Variants in ZDHHC9 observed in about 807,000 individuals in gnomAD.
The protein encoded by ZDHHC9 is palmitoyltransferase ZDHHC9.
Under a neutral mutation model 26.6 loss-of-function variants are expected in ZDHHC9, and 3 were observed. The observed-to-expected ratio is 0.11, with a 90% confidence interval of 0.05 to 0.29. The LOEUF (loss-of-function observed/expected upper bound fraction) is 0.29, where lower values mean the gene tolerates loss of function less well. ZDHHC9 is among the 10% of genes least tolerant of loss of function. The pLI is 1.00. For synonymous variants in ZDHHC9, 111 were observed against 109.4 expected (o/e 1.01, Z -0.09); for missense variants, 146 against 296.4 (o/e 0.49, Z 3.73).
intron 3 of ZDHHC9, among the ~76,000 whole-genome samples, chrX:129,841,487 G>A (rs1206339085): frequency 8.9e-6 from 1 of 112,107 alleles, no homozygotes; most frequent in African/African-American, 3.2e-5. Flanking sequence ...CTTCTAAGGA[G>A]ACCACTAAAA....
intron 10 of ZDHHC9, among the ~76,000 whole-genome samples, chrX:129,810,009 T>A (rs56710649): frequency 1.2e-3 from 66 of 56,379 alleles, no homozygotes; most frequent in African/African-American, 4.1e-3. Flanking sequence ...AAAAAAAAAA[T>A]TGGGACCTAT....
intron 4 of ZDHHC9, among the ~76,000 whole-genome samples, chrX:129,828,361 G>A (rs984940659): frequency 3.6e-5 from 4 of 110,381 alleles, no homozygotes; most frequent in Non-Finnish European, 7.6e-5. Flanking sequence ...GGTGGCTCAC[G>A]CCTGTAATCC....
In ZDHHC9 at chrX:129,841,962, C is replaced by A; in HGVS notation, c.-17G>T. The A allele has an allele frequency of 8.3e-7, 1 of 1,211,475 alleles. No individual in the cohort carries two copies. The highest frequency in any genetic ancestry group is 1.1e-6 in the Non-Finnish European group (1 of 895,376). On this transcript the variant is annotated 5_prime_UTR_variant, in exon 3 of 11. Coordinates refer to ENST00000357166, the MANE Select transcript of ZDHHC9 (RefSeq NM_016032.4). ...CACAGACATGATTGGAATTCCTGCT[C>A]CAAAATGGGTTTTGCGATTACACGA... is the stretch of plus-strand genomic sequence containing the variant.
chrX:129,820,105 A>G (rs1028786959), intron 5 of ZDHHC9, among the ~76,000 whole-genome samples: 2 of 111,634 alleles, frequency 1.8e-5, no homozygotes, highest in African/African-American at 6.5e-5. Flanking sequence ...ATATTTTCCC[A>G]CATCTCTGAT....
At chrX:129,819,950 G>A (rs754055272) in intron 5 of ZDHHC9, among the ~76,000 whole-genome samples, 3 of 110,953 alleles carry the variant, frequency 2.7e-5, no homozygotes, top group Non-Finnish European at 5.7e-5. Context: ...GCCCACCTCG[G>A]CCTCCCAAAG....
chrX:129,812,455 C>T (rs1348126089), intron 8 of ZDHHC9, among the ~76,000 whole-genome samples: 1 of 112,359 alleles, frequency 8.9e-6, no homozygotes. Flanking sequence ...AACAGAGGCA[C>T]CAGCTAGCCT....
At chrX:129,816,571 T>C (rs754217328) in intron 5 of ZDHHC9, among the ~76,000 whole-genome samples, 3 of 112,038 alleles carry the variant, frequency 2.7e-5, no homozygotes, top group East Asian at 2.8e-4. Context: ...ATAAAACCTA[T>C]ATTTAATATT....
At chrX:129,813,472 A>G (rs941870723) in intron 7 of ZDHHC9, among the ~76,000 whole-genome samples, 1 of 112,558 alleles carries the variant, frequency 8.9e-6, no homozygotes, top group Non-Finnish European at 1.9e-5. Flanking sequence ...TGTCCTGAGC[A>G]GGGGGTGAAG....
chrX:129,807,217 C>T (rs369177844), intron 10 of ZDHHC9, among the ~76,000 whole-genome samples: 1 of 107,164 alleles, frequency 9.3e-6, no homozygotes, highest in African/African-American at 3.4e-5. Context: ...GAGGCCGAGG[C>T]GGGTGGATCA....
In ZDHHC9 at chrX:129,804,435, T is replaced by A. The variant is rs1049538904; in HGVS notation, c.*1935A>T. On this transcript the variant is annotated 3_prime_UTR_variant, in exon 11 of 11. Coordinates refer to ENST00000357166, the MANE Select transcript of ZDHHC9 (RefSeq NM_016032.4). ...GGAAAAAGGAAGACATGGAAAAAGG[T>A]CTGGGAGCAGCCAAATTTCATTAAT... The A allele has an allele frequency of 9.0e-6, 1 of 111,136 alleles. No homozygotes were observed. Among genetic ancestry groups the A allele is most frequent in the African/African-American group, 3.3e-5 (1 of 30,541 alleles). The allele number at this position is 111,136 out of a possible 1,213,427, so 9.2% of individuals were successfully genotyped here. A position where few individuals can be genotyped will look rare whatever the true frequency, so the allele number is the denominator to read the frequency against.
intron 10 of ZDHHC9, among the ~76,000 whole-genome samples, chrX:129,808,898 T>C (rs189726230): frequency 1.8e-5 from 2 of 111,953 alleles, no homozygotes; most frequent in African/African-American, 3.2e-5. Flanking sequence ...AATTAAAAAA[T>C]AGACAAAAGC....
chrX:129,820,252 C>T (rs1336339279), intron 5 of ZDHHC9, among the ~76,000 whole-genome samples: 2 of 110,838 alleles, frequency 1.8e-5, no homozygotes, highest in African/African-American at 6.5e-5. Context: ...GAAGAATAAA[C>T]ATCAGGTTTT....
rs1050118453 is a variant in ZDHHC9, at chrX:129,811,119, G to C, written c.882-118C>G. On this transcript the variant is annotated intron_variant, in intron 9 of 10. Transcript: ENST00000357166. ...AACCTGTCCTTTGGCAATCTAGCCT[G>C]AACACAGCACATGCCTCTTATCTCC... 8.2e-6 allele frequency: 5 copies of C among 606,604 alleles called. No individual in the cohort carries two copies. In the East Asian group the frequency reaches 1.7e-4, roughly 21 times the overall value. 50.0% of individuals were successfully genotyped at this position (606,604 alleles called of 1,213,427 possible).
intron 3 of ZDHHC9, among the ~76,000 whole-genome samples, chrX:129,833,157 A>C (rs1029704902): frequency 9.0e-6 from 1 of 111,198 alleles, no homozygotes; most frequent in African/African-American, 3.3e-5. Context: ...CTCCCTTGTG[A>C]ATTTTATAAA....
At position 129,829,101 on chromosome X, in the gene ZDHHC9, C is replaced by T; in HGVS notation, c.208G>A (p.Val70Ile). 8.3e-7 allele frequency: 1 copy of T among 1,211,492 alleles called. No homozygotes were observed. The highest frequency in any genetic ancestry group is 1.1e-6 in the Non-Finnish European group (1 of 895,467). The part of the protein sequence containing the change: ...LAVQLSPAIP[V>I]FAAMLFLFSM... ...AAAAGGAAGAGCATGGCAGCAAATA[C>T]AGGGATGGCAGGAGACAGCTGAACA... Residue 70 changes from valine to isoleucine, a missense_variant, in exon 4 of 11, where the codon GTA becomes ATA. This residue lies in a region of ZDHHC9 where 100 missense variants were observed against 250.0 expected (regional missense o/e 0.40). Transcript: ENST00000357166.
rs1569316082 is a variant in ZDHHC9, at chrX:129,804,949, C to T, written c.*1421G>A. 1 of 104,784 alleles carries T rather than the reference C, an allele frequency of 9.5e-6. No homozygotes were observed. Among genetic ancestry groups the T allele is most frequent in the Non-Finnish European group, 2.0e-5 (1 of 51,247 alleles). The allele number at this position is 104,784 out of a possible 1,213,427, so 8.6% of individuals were successfully genotyped here. A position where few individuals can be genotyped will look rare whatever the true frequency, so the allele number is the denominator to read the frequency against. On this transcript the variant is annotated 3_prime_UTR_variant, in exon 11 of 11. Coordinates refer to ENST00000357166, the MANE Select transcript of ZDHHC9 (RefSeq NM_016032.4). The stretch of plus-strand genomic sequence containing the variant: ...GGAGGCAGGAAGTTTGCATTAGACA[C>T]AGTTTAATCGCCTTCAAATAGATGA...
At chrX:129,806,595 G>T in intron 10 of ZDHHC9, 109 bp from the exon 11 acceptor site, 1 of 655,511 alleles carries the variant, frequency 1.5e-6, no homozygotes, top group Non-Finnish European at 2.4e-6. Flanking sequence ...TCACACTGAT[G>T]CTACAGATAT....
Position 129,824,608 on chromosome X carries a change from C to T in ZDHHC9, c.329-771G>A, listed in dbSNP as rs773287851. On this transcript the variant is annotated intron_variant, in intron 4 of 10. Transcript: ENST00000357166. ...CCCAGCCAGCTACCAAAGTTTTAAACGTGTATATTCATTTACTGATCAAGT... is the reference window on the plus strand; with the variant it reads ...CCCAGCCAGCTACCAAAGTTTTAAATGTGTATATTCATTTACTGATCAAGT... Among the ~76,000 whole-genome samples the T allele has an allele frequency of 5.4e-5, 6 of 111,727 alleles. No homozygotes were observed. The South Asian group carries it at 1.5e-3, about 28-fold the overall frequency.
chrX:129,842,864 G>A (rs1373094141), intron 2 of ZDHHC9, among the ~76,000 whole-genome samples: 2 of 112,750 alleles, frequency 1.8e-5, no homozygotes, highest in African/African-American at 6.4e-5. Context: ...ATTCTGGAAT[G>A]GTTGGTGACT....
Sources: gnomAD v4.1 joint callset for allele counts (sites outside exome capture counted in the v4.1 genomes callset) on GRCh38, gnomAD v4.1.1 for gene constraint, gnomAD v4.1.1 regional missense constraint, MANE v1.5 for transcripts, NCBI Gene and HGNC (gene_info 2026-07-23, HGNC 2026-07-21) for gene names.